The following LETM1 variants were observed in gnomAD, a reference collection of about 807,000 sequenced individuals.
LETM1 encodes the protein mitochondrial proton/calcium exchanger protein.
Under a neutral mutation model 74.5 loss-of-function variants are expected in LETM1, and 50 were observed. The observed-to-expected ratio is 0.67, with a 90% CI of 0.53 to 0.85. LETM1 has a LOEUF of 0.85. Ranked by LOEUF, LETM1 falls within the 40% of genes least tolerant of loss-of-function variation. LETM1 has a pLI of 0.00. For synonymous variants in LETM1, 446 were observed against 407.1 expected (o/e 1.10, Z -1.15); for missense variants, 824 against 967.8 (o/e 0.85, Z 1.97).
rs538064978 is a variant in LETM1, at chr4:1,812,806, C to G, written c.*1618G>C. 6.6e-6 allele frequency: 1 copy of G among 152,532 alleles called. No individual in the cohort carries two copies. The highest frequency in any genetic ancestry group is 1.9e-4 in the East Asian group (1 of 5,250). The allele number at this position is 152,532 out of a possible 1,614,324, so 9.4% of individuals were successfully genotyped here. ...CGGAGGGCAAGCTGGCTTTTGGAGGCCATGCGGAGTCCAGGGCAGAGGGGA... is the reference window on the plus strand; with the variant it reads ...CGGAGGGCAAGCTGGCTTTTGGAGGGCATGCGGAGTCCAGGGCAGAGGGGA... On this transcript the variant is annotated 3_prime_UTR_variant, in exon 14 of 14. Coordinates refer to ENST00000302787, the MANE Select transcript of LETM1 (RefSeq NM_012318.3).
intron 11 of LETM1, among the ~76,000 whole-genome samples, chr4:1,818,325 T>TTA (rs1187799073): frequency 6.6e-6 from 1 of 152,004 alleles, no homozygotes; most frequent in Non-Finnish European, 1.5e-5. Flanking sequence ...TAAAAAATCG[T>TTA]ATTAGGGGCC....
chr4:1,828,370 C>T (rs1314000328), intron 6 of LETM1, among the ~76,000 whole-genome samples: 2 of 92,046 alleles, frequency 2.2e-5, no homozygotes, highest in Non-Finnish European at 4.4e-5. Context: ...GCTGGCCGGG[C>T]GGGGGGCTGA....
chr4:1,848,221 T>C (rs1281434070), intron 2 of LETM1, among the ~76,000 whole-genome samples: 1 of 151,738 alleles, frequency 6.6e-6, no homozygotes, highest in Non-Finnish European at 1.5e-5. Flanking sequence ...CTGGCCAACA[T>C]GGTGAAACCC....
At chr4:1,841,200 C>T in intron 3 of LETM1, 147 bp downstream of exon 3, 1 of 692,434 alleles carries the variant, frequency 1.4e-6, no homozygotes, top group Non-Finnish European at 2.4e-6. Flanking sequence ...AAACAATTAG[C>T]CAGGTGTGGT....
intron 9 of LETM1, 192 bp downstream of exon 9, chr4:1,822,796 G>A: frequency 4.5e-6 from 2 of 448,916 alleles, no homozygotes; most frequent in Non-Finnish European, 7.3e-6. Flanking sequence ...GGCCATCGGG[G>A]AGTCCCCATG....
intron 12 of LETM1, 64 bp from the exon 13 acceptor site, chr4:1,815,866 CACACCTGTGGCTGCAA>C: frequency 6.3e-7 from 1 of 1,589,096 alleles, no homozygotes; most frequent in Non-Finnish European, 8.6e-7. Context: ...CCTCACTGCC[CACACCTGTGGCTGCAA>C]GTGGTCAGCA....
intron 10 of LETM1, among the ~76,000 whole-genome samples, chr4:1,820,324 A>C (rs1001674792): frequency 4.6e-5 from 7 of 152,214 alleles, no homozygotes; most frequent in African/African-American, 1.7e-4. Context: ...ATCCCTAAGT[A>C]GTTCATTTTG....
At chr4:1,850,351 C>A (rs1314988165) in intron 1 of LETM1, among the ~76,000 whole-genome samples, 1 of 152,020 alleles carries the variant, frequency 6.6e-6, no homozygotes, top group Non-Finnish European at 1.5e-5. Flanking sequence ...TCCAGACACC[C>A]CAAGAGGGAA....
intron 6 of LETM1, among the ~76,000 whole-genome samples, chr4:1,829,929 G>C (rs1313255176): frequency 6.6e-6 from 1 of 152,062 alleles, no homozygotes; most frequent in Admixed American, 6.5e-5. Context: ...TTGTCTTCAG[G>C]GTTCATTAGT....
Position 1,836,638 on chromosome 4 carries a change from G to T in LETM1, c.595-66C>A. On this transcript the variant is annotated intron_variant, in intron 3 of 13. Transcript: ENST00000302787. The surrounding 1 kb of genome is among the most constrained non-coding windows in gnomAD (Gnocchi z 5.8). Reference sequence around the variant, plus strand: ...GTGGGAACAAGGGCAAGGGGTGTGAGCATTTCTCCTATAATGGTTTATAGG... The same window carrying T: ...GTGGGAACAAGGGCAAGGGGTGTGATCATTTCTCCTATAATGGTTTATAGG... The T allele has an allele frequency of 6.4e-7, 1 of 1,558,246 alleles. No homozygotes were observed. The highest frequency in any genetic ancestry group is 1.1e-5 in the South Asian group (1 of 89,556).
rs770575187 is a variant in LETM1 at position 1,841,515 on chromosome 4, G to A, written c.426C>T (p.Ser142=). The stretch of plus-strand genomic sequence containing the variant: ...TCTTCACCACCACCTCTGCGGGGGG[G>A]CTGTACACCGGGCCGCCTTCCTCCA... ...KKLEEGGPVY[S]PPAEVVVKKS... Residue 142 remains serine (S), a synonymous_variant, in exon 3 of 14, where the codon AGC becomes AGT. Coordinates refer to ENST00000302787, the MANE Select transcript of LETM1 (RefSeq NM_012318.3). 5.4e-5 allele frequency: 87 copies of A among 1,614,114 alleles called. No individual in the cohort carries two copies. In the Middle Eastern group the frequency reaches 6.6e-4, roughly 12 times the overall value.
At chr4:1,831,985 C>A (rs1387755643) in intron 6 of LETM1, among the ~76,000 whole-genome samples, 2 of 152,168 alleles carry the variant, frequency 1.3e-5, no homozygotes. Flanking sequence ...GAACTGAAAT[C>A]TTAAGAGCTC....
chr4:1,815,840 G>A (rs1349635335), intron 12 of LETM1, 38 bp from the exon 13 acceptor site: 36 of 1,606,264 alleles, frequency 2.2e-5, no homozygotes, highest in Non-Finnish European at 2.8e-5. Context: ...ACGGGCAGGC[G>A]TCCTGCCACA....
At chr4:1,829,192 C>T (rs1312940380) in intron 6 of LETM1, among the ~76,000 whole-genome samples, 3 of 141,410 alleles carry the variant, frequency 2.1e-5, no homozygotes, top group Non-Finnish European at 3.1e-5. Flanking sequence ...ACCTCCCTCC[C>T]GGACGGGGCG....
chr4:1,838,409 T>TA (rs1374224202), intron 3 of LETM1, among the ~76,000 whole-genome samples: 1 of 151,872 alleles, frequency 6.6e-6, no homozygotes, highest in East Asian at 1.9e-4. Flanking sequence ...GGATTATCTT[T>TA]AAAAAGGAAG....
intron 1 of LETM1, among the ~76,000 whole-genome samples, chr4:1,850,225 G>T (rs2001193): frequency 0.041 from 6,209 of 152,276 alleles, 428 homozygotes; most frequent in African/African-American, 0.14. Flanking sequence ...CTGGAAGCCA[G>T]TTCTGAGTGT....
intron 11 of LETM1, among the ~76,000 whole-genome samples, chr4:1,817,382 C>CT: frequency 6.6e-6 from 1 of 151,780 alleles, no homozygotes; most frequent in East Asian, 1.9e-4. Flanking sequence ...CATAGCAAGA[C>CT]TTTATCTCTA....
chr4:1,819,270 T>C, intron 11 of LETM1, 68 bp downstream of exon 11: 2 of 1,487,920 alleles, frequency 1.3e-6, no homozygotes, highest in South Asian at 2.6e-5. Flanking sequence ...TTATGTATAC[T>C]TTTGGGGCCA....
intron 3 of LETM1, among the ~76,000 whole-genome samples, chr4:1,840,642 T>C (rs1470813391): frequency 6.6e-6 from 1 of 151,828 alleles, no homozygotes; most frequent in Admixed American, 6.6e-5. Context: ...CACTCCAGCC[T>C]GGGCGACAGT....
Sources: allele counts gnomAD v4.1 joint callset (sites outside exome capture counted in the v4.1 genomes callset), GRCh38; gene constraint gnomAD v4.1.1; non-coding constraint Gnocchi (gnomAD v3.1); transcripts MANE v1.5; gene names NCBI Gene and HGNC (gene_info 2026-07-23, HGNC 2026-07-21).